The following POTEE variants were observed in gnomAD, a reference collection of about 807,000 sequenced individuals.
The protein encoded by POTEE is POTE ankyrin domain family member E.
Under a neutral mutation model 74.2 loss-of-function variants are expected in POTEE, and 21 were observed. The ratio of observed to expected loss-of-function variants is 0.28; its 90% CI spans 0.20 to 0.41. The LOEUF (loss-of-function observed/expected upper bound fraction) is 0.41, where lower values mean the gene tolerates loss of function less well. Among genes scored for constraint, POTEE ranks in the 10% least tolerant of loss-of-function variants. The pLI, the probability that POTEE is intolerant of heterozygous loss-of-function variation, is 1.00. For missense variants in POTEE, 525 were observed against 1,158.6 expected (o/e 0.45, Z 7.94); for synonymous variants, 211 against 432.8 (o/e 0.49, Z 6.36).
intron 13 of POTEE, among the ~76,000 whole-genome samples, chr2:131,246,260 TAGA>T (rs1164317028): frequency 8.0e-6 from 1 of 124,264 alleles, no homozygotes; most frequent in African/African-American, 3.2e-5. Flanking sequence ...GTAATTTTGT[TAGA>T]AGAAGGTGCT....
At chr2:131,229,759 G>C (rs1251118885) in intron 8 of POTEE, 2 of 152,150 alleles carry the variant, frequency 1.3e-5, no homozygotes, top group Non-Finnish European at 2.9e-5. Context: ...CTAGCTCTGA[G>C]GAAATAGTGT....
rs753990328 is a variant in POTEE at position 131,218,359 on chromosome 2, C to G, written c.-44C>G. 6.2e-7 allele frequency: 1 copy of G among 1,609,006 alleles called. No homozygotes were observed. The highest frequency in any genetic ancestry group is 1.7e-5 in the Admixed American group (1 of 59,924). ...AGTTGGTGAAACTGGTTGGTAGACG[C>G]GATCTGTTGGCTACTACTGGCTTCT... is the stretch of plus-strand genomic sequence containing the variant. On this transcript the variant is annotated 5_prime_UTR_variant, in exon 4 of 18. Transcript: ENST00000683005.
At chr2:131,221,937 T>C (rs1700631412) in intron 4 of POTEE, among the ~76,000 whole-genome samples, 1 of 152,376 alleles carries the variant, frequency 6.6e-6, no homozygotes, top group Admixed American at 6.5e-5. Flanking sequence ...ACACCTATTA[T>C]GTGGCAGGCA....
intron 6 of POTEE, among the ~76,000 whole-genome samples, 155 bp downstream of exon 6, chr2:131,224,198 A>G (rs1449391591): frequency 6.6e-6 from 1 of 151,874 alleles, no homozygotes; most frequent in Admixed American, 6.5e-5. Flanking sequence ...CATTTTAAAT[A>G]TTGTTACTTT....
intron 1 of POTEE, among the ~76,000 whole-genome samples, chr2:131,210,519 G>A (rs997148667): frequency 3.3e-5 from 5 of 151,856 alleles, no homozygotes; most frequent in Non-Finnish European, 5.9e-5. Context: ...TTGCTCCTTC[G>A]GGTAACTCTT....
intron 3 of POTEE, chr2:131,218,006 G>A: frequency 6.8e-6 from 2 of 292,322 alleles, no homozygotes; most frequent in South Asian, 3.5e-5. Context: ...GCTTGGCTTG[G>A]CGTTGGTAGC....
At chr2:131,229,820 T>C (rs1466005740) in intron 8 of POTEE, 1 of 152,202 alleles carries the variant, frequency 6.6e-6, no homozygotes, top group Non-Finnish European at 1.5e-5. Context: ...TGATTTGTGC[T>C]GCAAAAATAG....
intron 6 of POTEE, among the ~76,000 whole-genome samples, chr2:131,224,251 T>C (rs1255906243): frequency 6.6e-6 from 1 of 151,532 alleles, no homozygotes; most frequent in East Asian, 1.9e-4. Context: ...TTTAATGCAC[T>C]TGTGGTAAAT....
At chr2:131,215,426 A>G (rs1700427281) in intron 2 of POTEE, among the ~76,000 whole-genome samples, 1 of 152,096 alleles carries the variant, frequency 6.6e-6, no homozygotes, top group East Asian at 1.9e-4. Context: ...CTCATGAGAG[A>G]GGGAGTTTGT....
intron 1 of POTEE, among the ~76,000 whole-genome samples, chr2:131,210,607 G>C (rs970061228): frequency 2.0e-5 from 3 of 151,940 alleles, no homozygotes; most frequent in African/African-American, 7.3e-5. Context: ...CGGTTCTCCG[G>C]CCTGCACCTC....
chr2:131,223,770 A>G, intron 5 of POTEE, 60 bp downstream of exon 5: 1 of 1,609,286 alleles, frequency 6.2e-7, no homozygotes, highest in Non-Finnish European at 8.5e-7. Context: ...ATAGCATAAA[A>G]ATGAGTTTTC....
At chr2:131,236,179 G>A (rs1022301778) in intron 9 of POTEE, among the ~76,000 whole-genome samples, 6 of 152,214 alleles carry the variant, frequency 3.9e-5, no homozygotes, top group South Asian at 4.1e-4. Flanking sequence ...CTTGCAAATA[G>A]TATGCATTTG....
At chr2:131,211,996 A>C (rs974322409) in intron 2 of POTEE, among the ~76,000 whole-genome samples, 4 of 151,714 alleles carry the variant, frequency 2.6e-5, no homozygotes, top group African/African-American at 9.7e-5. Flanking sequence ...TATTCTTCTC[A>C]TCTTCTTGTT....
At chr2:131,230,511 A>G (rs1366251665) in intron 8 of POTEE, among the ~76,000 whole-genome samples, 1 of 152,178 alleles carries the variant, frequency 6.6e-6, no homozygotes, top group African/African-American at 2.4e-5. Flanking sequence ...AAGAGAAGCA[A>G]GTTGTCCAAG....
chr2:131,236,370 G>A (rs922367770), intron 9 of POTEE, among the ~76,000 whole-genome samples: 103 of 152,052 alleles, frequency 6.8e-4, no homozygotes, highest in African/African-American at 2.3e-3. Flanking sequence ...AGCTAAGTGC[G>A]GGAAAACTTG....
intron 17 of POTEE, among the ~76,000 whole-genome samples, 188 bp from the exon 18 acceptor site, chr2:131,263,164 CGAT>C (rs1196295109): frequency 1.2e-4 from 18 of 145,688 alleles, no homozygotes; most frequent in African/African-American, 3.8e-4. Flanking sequence ...TATTTAAAGA[CGAT>C]GAAAAATAAA....
chr2:131,210,882 CA>C (rs1375991714), intron 1 of POTEE, among the ~76,000 whole-genome samples, 145 bp from the exon 2 acceptor site: 1 of 150,276 alleles, frequency 6.7e-6, no homozygotes. Context: ...ACACCCGCCC[CA>C]GTTCCTGGCC....
chr2:131,210,762 G>C (rs972932460), intron 1 of POTEE, among the ~76,000 whole-genome samples: 2 of 148,510 alleles, frequency 1.3e-5, no homozygotes, highest in East Asian at 2.0e-4. Context: ...GGGAGGGCTG[G>C]CTGGGTCTGA....
intron 4 of POTEE, among the ~76,000 whole-genome samples, chr2:131,220,980 A>G (rs940900561): frequency 1.3e-5 from 2 of 152,016 alleles, no homozygotes; most frequent in Non-Finnish European, 1.5e-5. Context: ...AAAAGAAAAA[A>G]AAAAAGGAAT....
Sources: gnomAD v4.1 joint callset for allele counts (sites outside exome capture counted in the v4.1 genomes callset) on GRCh38, gnomAD v4.1.1 for gene constraint, MANE v1.5 for transcripts, NCBI Gene and HGNC (gene_info 2026-07-23, HGNC 2026-07-21) for gene names.